THRB: variants seen among roughly 807,000 people sequenced by gnomAD.
THRB encodes the protein thyroid hormone receptor beta, also known as nuclear receptor subfamily 1 group A member 2.
THRB carries 12 observed loss-of-function variants against 47.8 expected under a neutral mutation model. That is an observed-to-expected ratio of 0.25 (90% CI 0.16 to 0.41). The LOEUF (loss-of-function observed/expected upper bound fraction) is 0.41, where lower values mean the gene tolerates loss of function less well. Ranked by LOEUF, THRB falls within the 10% of genes least tolerant of loss-of-function variation. THRB has a pLI of 1.00. For missense variants in THRB, 348 were observed against 589.2 expected, an observed-to-expected ratio of 0.59 and a Z score of 4.24; for synonymous variants, 218 against 212.2, an observed-to-expected ratio of 1.03 and a Z score of -0.24.
chr3:24,462,381 T>G (rs895942377), intron 1 of THRB, among the ~76,000 whole-genome samples: 1 of 152,222 alleles, frequency 6.6e-6, no homozygotes, highest in Admixed American at 6.5e-5. Context: ...GCATGTCTCT[T>G]GCTATGAGAA....
chr3:24,147,430 C>T (rs1036493506), intron 6 of THRB, among the ~76,000 whole-genome samples: 1 of 152,176 alleles, frequency 6.6e-6, no homozygotes, highest in African/African-American at 2.4e-5. Context: ...GTAGAACGCT[C>T]CAGGTTTTCT....
At chr3:24,386,982 A>G (rs1184154430) in intron 1 of THRB, among the ~76,000 whole-genome samples, 1 of 152,140 alleles carries the variant, frequency 6.6e-6, no homozygotes, top group African/African-American at 2.4e-5. Flanking sequence ...TCAAGTCATC[A>G]TCATTATTAT....
chr3:24,328,420 C>T (rs954373907), intron 2 of THRB, among the ~76,000 whole-genome samples: 2 of 152,090 alleles, frequency 1.3e-5, no homozygotes, highest in African/African-American at 4.8e-5. Context: ...ATAAATGTTC[C>T]ATAAATACCT....
chr3:24,204,296 A>G (rs1462605737), intron 4 of THRB, among the ~76,000 whole-genome samples: 1 of 152,236 alleles, frequency 6.6e-6, no homozygotes, highest in Non-Finnish European at 1.5e-5. Flanking sequence ...GTAACCCTCT[A>G]AGACAAAGCT....
rs137950719 is a variant in THRB at position 24,240,849 on chromosome 3, G to C, written c.-42-11848C>G. Among the ~76,000 whole-genome samples, 1,265 of 152,246 alleles carry C rather than the reference G, an allele frequency of 8.3e-3. 19 individuals are homozygous for C. Among genetic ancestry groups the C allele is most frequent in the African/African-American group, 0.029 (1,188 of 41,526 alleles). On this transcript the variant is annotated intron_variant, in intron 3 of 10. Coordinates refer to ENST00000646209, the MANE Select transcript of THRB (RefSeq NM_001354712.2). ...CCCACATGTTGAGAACCACCAGCCT[G>C]ATCCATTTAAGAACATGTTGGAGGA...
chr3:24,368,861 A>G (rs1315325820), intron 1 of THRB, among the ~76,000 whole-genome samples: 1 of 152,230 alleles, frequency 6.6e-6, no homozygotes, highest in Non-Finnish European at 1.5e-5. Flanking sequence ...ATTGTAGACC[A>G]GGACCAGAGC....
intron 5 of THRB, among the ~76,000 whole-genome samples, chr3:24,166,928 T>C: frequency 6.6e-6 from 1 of 152,154 alleles, no homozygotes; most frequent in East Asian, 1.9e-4. Context: ...TTACAGTCAT[T>C]CAACAAATTA....
chr3:24,202,881 A>G, intron 4 of THRB, among the ~76,000 whole-genome samples: 1 of 152,212 alleles, frequency 6.6e-6, no homozygotes, highest in Non-Finnish European at 1.5e-5. Context: ...AGGCAATTGG[A>G]GCCCACAGAG....
chr3:24,220,666 T>C (rs904951347), intron 4 of THRB, among the ~76,000 whole-genome samples: 2 of 152,188 alleles, frequency 1.3e-5, no homozygotes, highest in Non-Finnish European at 2.9e-5. Flanking sequence ...AGGTTTTTGC[T>C]AATCTGACTA....
chr3:24,300,455 G>A lies in THRB; in HGVS notation c.-188-3084C>T, dbSNP rs147968454. 5.5e-4 allele frequency among the ~76,000 whole-genome samples: 83 copies of A among 152,222 alleles called. 1 individual carries two copies. Among genetic ancestry groups the A allele is most frequent in the Non-Finnish European group, 4.9e-4 (33 of 68,012 alleles). ...ACTATTCCCCAATTTCTGGGCATTC[G>A]CTTGGTTTCCAGATTCTTCTTTCCC... On this transcript the variant is annotated intron_variant, in intron 2 of 10. Transcript: ENST00000646209.
chr3:24,222,763 G>T (rs1297560721), intron 4 of THRB, among the ~76,000 whole-genome samples: 1 of 152,122 alleles, frequency 6.6e-6, no homozygotes, highest in East Asian at 1.9e-4. Context: ...ACATTGTGTG[G>T]TTAAATACTG....
intron 3 of THRB, among the ~76,000 whole-genome samples, chr3:24,232,697 G>C (rs1283960320): frequency 6.6e-6 from 1 of 152,146 alleles, no homozygotes; most frequent in African/African-American, 2.4e-5. Context: ...ACAGCAGCTC[G>C]TGGGTGGAAA....
intron 3 of THRB, among the ~76,000 whole-genome samples, chr3:24,274,900 T>C (rs2053746205): frequency 1.3e-5 from 2 of 152,214 alleles, no homozygotes; most frequent in South Asian, 4.1e-4. Context: ...TTATGTTGTG[T>C]TTTATGAGCT....
intron 1 of THRB, among the ~76,000 whole-genome samples, chr3:24,432,364 C>G (rs2196431): frequency 0.056 from 8,544 of 152,160 alleles, 340 homozygotes; most frequent in Non-Finnish European, 0.088. Flanking sequence ...AAATTGGATT[C>G]TTTCTGGAAA....
In THRB at chr3:24,133,324, A is replaced by C; in HGVS notation, c.877T>G (p.Phe293Val). 1 of 1,614,152 alleles carries C rather than the reference A, an allele frequency of 6.2e-7. No homozygotes were observed. The highest frequency in any genetic ancestry group is 8.5e-7 in the Non-Finnish European group (1 of 1,180,024). The stretch of plus-strand genomic sequence containing the variant: ...AAAAACAACATCCTCACCTCACAAA[A>C]CATAGGCAACTTTTTGGCAAAATCC... ...VVDFAKKLPM[F>V]CELPCEDQII... The change falls in exon 9 of 11, where the codon TTT becomes GTT. Residue 293 changes from phenylalanine to valine, a missense_variant. Phe to Val is a conservative substitution (Grantham distance 50). Coordinates refer to ENST00000646209, the MANE Select transcript of THRB (RefSeq NM_001354712.2).
chr3:24,248,760 C>T (rs2150339633), intron 3 of THRB, among the ~76,000 whole-genome samples: 1 of 152,310 alleles, frequency 6.6e-6, no homozygotes, highest in East Asian at 1.9e-4. Flanking sequence ...CTAGCAGCAG[C>T]TGGTTGGCTT....
intron 1 of THRB, among the ~76,000 whole-genome samples, chr3:24,449,696 T>G (rs2072453732): frequency 1.3e-5 from 2 of 152,188 alleles, no homozygotes; most frequent in Admixed American, 1.3e-4. Flanking sequence ...AATATTAGCC[T>G]TATCTTTTCC....
chr3:24,163,080 C>T (rs764898222), intron 5 of THRB, among the ~76,000 whole-genome samples: 4 of 152,042 alleles, frequency 2.6e-5, no homozygotes, highest in Non-Finnish European at 5.9e-5. Flanking sequence ...TTTGCCTTAA[C>T]GAGACACTAC....
chr3:24,375,557 T>C (rs979909085), intron 1 of THRB, among the ~76,000 whole-genome samples: 1 of 148,132 alleles, frequency 6.8e-6, no homozygotes, highest in Non-Finnish European at 1.5e-5. Flanking sequence ...TATTAATAAA[T>C]ATTACTAATT....
Sources: allele counts gnomAD v4.1 joint callset (sites outside exome capture counted in the v4.1 genomes callset), GRCh38; gene constraint gnomAD v4.1.1; transcripts MANE v1.5; gene names NCBI Gene and HGNC (gene_info 2026-07-23, HGNC 2026-07-21).